NRCAM: variants seen among roughly 807,000 people sequenced by gnomAD.
The protein encoded by NRCAM is neuronal cell adhesion molecule.
A neutral mutation model predicts 156.5 loss-of-function variants in NRCAM; 83 were observed. The observed-to-expected ratio is 0.53, with a 90% CI of 0.44 to 0.64. The LOEUF (loss-of-function observed/expected upper bound fraction) is 0.64, where lower values mean the gene tolerates loss of function less well. NRCAM is among the 30% of genes least tolerant of loss of function. The pLI, the probability that NRCAM is intolerant of heterozygous loss-of-function variation, is 0.00. For missense variants in NRCAM, 1,417 were observed against 1,597.3 expected (o/e 0.89, Z 1.92); for synonymous variants, 538 against 563.9 (o/e 0.95, Z 0.65).
rs1023015713 is a variant in NRCAM at position 108,348,934 on chromosome 7, C to A, written c.-173-36203G>T. On this transcript the variant is annotated intron_variant, in intron 2 of 32. Coordinates refer to ENST00000379028, the MANE Select transcript of NRCAM (RefSeq NM_001037132.4). ...AAAAAAAAAAAAAAGGAAGGAAAGT[C>A]TTTAGGGGCAGCCAAGGAATGTATG... is the stretch of plus-strand genomic sequence containing the variant. Among the ~76,000 whole-genome samples the A allele has an allele frequency of 6.4e-4, 95 of 148,224 alleles. 1 individual carries two copies. Among genetic ancestry groups the A allele is most frequent in the Non-Finnish European group, 2.2e-4 (15 of 67,320 alleles).
Position 108,345,376 on chromosome 7 carries a change from T to C in NRCAM, c.-173-32645A>G, listed in dbSNP as rs2193244. Reference sequence around the variant, plus strand: ...GTTTTGTCTAGAAATAAGGAAAACCTATCTAAATATTAAAGCGGTTCAAAA... The same window carrying C: ...GTTTTGTCTAGAAATAAGGAAAACCCATCTAAATATTAAAGCGGTTCAAAA... On this transcript the variant is annotated intron_variant, in intron 2 of 32. Coordinates refer to ENST00000379028, the MANE Select transcript of NRCAM (RefSeq NM_001037132.4). Among the ~76,000 whole-genome samples, 1,051 of 152,290 alleles carry C rather than the reference T, an allele frequency of 6.9e-3. 53 individuals are homozygous for C. The highest frequency in any genetic ancestry group is 0.064 in the Admixed American group (986 of 15,300).
Position 108,239,921 on chromosome 7 carries a change from A to C in NRCAM, c.106+38T>G, listed in dbSNP as rs758861901. The C allele has an allele frequency of 9.2e-6, 12 of 1,301,320 alleles. No homozygotes were observed. In the South Asian group the frequency reaches 1.4e-4, roughly 16 times the overall value. The allele number at this position is 1,301,320 out of a possible 1,614,324, so 80.6% of individuals were successfully genotyped here. On this transcript the variant is annotated intron_variant, in intron 4 of 32. Coordinates refer to ENST00000379028, the MANE Select transcript of NRCAM (RefSeq NM_001037132.4). Reference sequence around the variant, plus strand: ...TGATGATAAATGCTGGGAGGCTTTGACTCCTGGGCCTAACAGCTTTAAAAC... The same window carrying C: ...TGATGATAAATGCTGGGAGGCTTTGCCTCCTGGGCCTAACAGCTTTAAAAC...
Position 108,240,038 on chromosome 7 carries a change from C to T in NRCAM, c.27G>A (p.Lys9=), listed in dbSNP as rs144345929. The change falls in exon 4 of 33, where the codon AAG becomes AAA. Residue 9 remains lysine, a synonymous_variant. Coordinates refer to ENST00000379028, the MANE Select transcript of NRCAM (RefSeq NM_001037132.4). The stretch of plus-strand genomic sequence containing the variant: ...GCACTCTGCCCGCAGATAAGCGCTT[C>T]TTTTTCGGCATTATTTTAAGCTGCA... MQLKIMPK[K]KRLSAGRVPL... 1 of 1,613,188 alleles carries T rather than the reference C, an allele frequency of 6.2e-7. No homozygotes were observed. The highest frequency in any genetic ancestry group is 1.1e-5 in the South Asian group (1 of 91,026).
At chr7:108,187,051 TAC>T (rs199793831) in intron 20 of NRCAM, among the ~76,000 whole-genome samples, 103,114 of 151,862 alleles carry the variant, frequency 0.68, 37,057 homozygotes, top group East Asian at 0.96. Context: ...CCAAGGAAGG[TAC>T]CCTGTGAATT....
chr7:108,407,501 G>GA (rs1158499611), intron 1 of NRCAM, among the ~76,000 whole-genome samples: 1 of 152,148 alleles, frequency 6.6e-6, no homozygotes, highest in Non-Finnish European at 1.5e-5. Flanking sequence ...CAACTGAACC[G>GA]AGAGTATTTC....
intron 1 of NRCAM, among the ~76,000 whole-genome samples, chr7:108,423,177 A>G (rs17155715): frequency 0.028 from 4,206 of 152,174 alleles, 94 homozygotes; most frequent in African/African-American, 0.064. Context: ...ATCTTTTTGC[A>G]TATATGGAAT....
chr7:108,166,605 T>C (rs1225395796), intron 30 of NRCAM, among the ~76,000 whole-genome samples: 1 of 152,186 alleles, frequency 6.6e-6, no homozygotes, highest in Non-Finnish European at 1.5e-5. Flanking sequence ...AAAATTTCAG[T>C]TTAACACTGA....
At chr7:108,177,719 G>GTA (rs568853235) in intron 26 of NRCAM, among the ~76,000 whole-genome samples, 7,318 of 30,084 alleles carry the variant, frequency 0.24, 241 homozygotes, top group Non-Finnish European at 0.4. Context: ...ATATATACGT[G>GTA]TGTATATATA....
At chr7:108,352,319 A>G in intron 2 of NRCAM, among the ~76,000 whole-genome samples, 1 of 152,254 alleles carries the variant, frequency 6.6e-6, no homozygotes, top group East Asian at 1.9e-4. Flanking sequence ...CATCTTAATT[A>G]CTTAATCTCC....
At chr7:108,338,330 T>C (rs555427788) in intron 2 of NRCAM, among the ~76,000 whole-genome samples, 77 of 152,318 alleles carry the variant, frequency 5.1e-4, no homozygotes, top group African/African-American at 1.8e-3. Flanking sequence ...TAGGTGCTAA[T>C]GGTTCAGACT....
At chr7:108,389,541 C>A (rs1467350723) in intron 2 of NRCAM, among the ~76,000 whole-genome samples, 2 of 152,150 alleles carry the variant, frequency 1.3e-5, no homozygotes, top group Non-Finnish European at 2.9e-5. Flanking sequence ...ACTGAATACC[C>A]TTTATTTCTT....
chr7:108,154,476 T>C (rs146447940), intron 32 of NRCAM, among the ~76,000 whole-genome samples: 4 of 152,176 alleles, frequency 2.6e-5, no homozygotes, highest in African/African-American at 9.7e-5. Flanking sequence ...ACAGTTATCA[T>C]TAATGACCAG....
chr7:108,205,584 C>T (rs916166977), intron 13 of NRCAM, among the ~76,000 whole-genome samples: 2 of 152,180 alleles, frequency 1.3e-5, no homozygotes, highest in African/African-American at 4.8e-5. Context: ...ATGGTTCCTT[C>T]CACTTGTCAG....
intron 8 of NRCAM, among the ~76,000 whole-genome samples, chr7:108,226,685 C>A (rs758098541): frequency 6.6e-6 from 1 of 152,076 alleles, no homozygotes; most frequent in East Asian, 1.9e-4. Context: ...AAAAAGTTGG[C>A]GTGACTTTTC....
intron 27 of NRCAM, 24 bp downstream of exon 27, chr7:108,176,406 G>T: frequency 6.3e-7 from 1 of 1,592,072 alleles, no homozygotes; most frequent in Non-Finnish European, 8.6e-7. Context: ...ATAATTATAT[G>T]GATTTTATAC....
At chr7:108,389,136 A>G (rs1266485786) in intron 2 of NRCAM, among the ~76,000 whole-genome samples, 1 of 152,166 alleles carries the variant, frequency 6.6e-6, no homozygotes, top group Non-Finnish European at 1.5e-5. Flanking sequence ...TTGAATCTAT[A>G]AATTACCTTG....
At chr7:108,335,439 T>A (rs1470059666) in intron 2 of NRCAM, among the ~76,000 whole-genome samples, 1 of 132,178 alleles carries the variant, frequency 7.6e-6, no homozygotes. Context: ...ACCTGCTTTT[T>A]TTTTTTTTTT....
At chr7:108,195,633 A>G in intron 15 of NRCAM, 128 bp downstream of exon 15, 1 of 621,608 alleles carries the variant, frequency 1.6e-6, no homozygotes, top group Non-Finnish European at 2.9e-6. Context: ...AAAAAAATAT[A>G]TTAACAGTGT....
At chr7:108,395,787 C>A (rs1017177787) in intron 2 of NRCAM, among the ~76,000 whole-genome samples, 1 of 152,144 alleles carries the variant, frequency 6.6e-6, no homozygotes, top group African/African-American at 2.4e-5. Context: ...CTTTGGAATC[C>A]AAGCAGAAAG....
Sources: gnomAD v4.1 joint callset for allele counts (sites outside exome capture counted in the v4.1 genomes callset) on GRCh38, gnomAD v4.1.1 for gene constraint, MANE v1.5 for transcripts, NCBI Gene and HGNC (gene_info 2026-07-23, HGNC 2026-07-21) for gene names.